The following RELN variants were observed in gnomAD, a reference collection of about 807,000 sequenced individuals.
RELN encodes reelin.
A neutral mutation model predicts 427.6 loss-of-function variants in RELN; 108 were observed. The observed-to-expected ratio is 0.25, with a 90% CI of 0.22 to 0.30. RELN has a LOEUF of 0.30. RELN is among the 10% of genes least tolerant of loss of function. The pLI is 1.00. For synonymous variants in RELN, 1,524 were observed against 1,513.4 expected, an observed-to-expected ratio of 1.01 and a Z score of -0.16; for missense variants, 3,715 against 4,302.8, an observed-to-expected ratio of 0.86 and a Z score of 3.82.
intron 11 of RELN, among the ~76,000 whole-genome samples, chr7:103,681,648 C>T (rs1833654571): frequency 6.6e-6 from 1 of 152,060 alleles, no homozygotes; most frequent in Non-Finnish European, 1.5e-5. Flanking sequence ...CAACCTCAGT[C>T]CCAAATTCCC....
At chr7:103,477,828 C>G (rs1382882005) in intron 64 of RELN, among the ~76,000 whole-genome samples, 1 of 152,090 alleles carries the variant, frequency 6.6e-6, no homozygotes, top group Non-Finnish European at 1.5e-5. Context: ...TTAAAAGTGG[C>G]CAATCTTACC....
intron 1 of RELN, among the ~76,000 whole-genome samples, chr7:103,976,129 C>T (rs1484392200): frequency 1.6e-4 from 25 of 152,112 alleles, no homozygotes; most frequent in Non-Finnish European, 4.4e-5. Context: ...AGAGGCCATG[C>T]TGAATATGTT....
rs1369442315 is a variant in RELN at position 103,472,818 on chromosome 7, G to T, written c.10377C>A (p.Tyr3459Ter). ...YNRRRRSLRRYP is the reference protein window; with the variant it reads ...YNRRRRSLRR ...AAATAAACTTTTTGATTCTTCATGGGTATCGCCTAAGTGACCTTCGTCTTC... is the reference window on the plus strand; with the variant it reads ...AAATAAACTTTTTGATTCTTCATGGTTATCGCCTAAGTGACCTTCGTCTTC... The change falls in exon 65 of 65, where the codon TAC (tyrosine) becomes TAA (stop). Residue 3459 changes from tyrosine (Y) to a stop codon, truncating the protein, a stop_gained. Coordinates refer to ENST00000428762, the MANE Select transcript of RELN (RefSeq NM_005045.4). LOFTEE classifies it high-confidence loss of function. The T allele has an allele frequency of 1.2e-6, 2 of 1,612,488 alleles. No homozygotes were observed. Among genetic ancestry groups the T allele is most frequent in the Admixed American group, 1.7e-5 (1 of 59,996 alleles).
intron 8 of RELN, among the ~76,000 whole-genome samples, chr7:103,710,486 G>A (rs1167109265): frequency 3.3e-5 from 5 of 152,184 alleles, no homozygotes; most frequent in African/African-American, 9.7e-5. Flanking sequence ...AGATAATGAT[G>A]ATACACTATT....
intron 51 of RELN, among the ~76,000 whole-genome samples, chr7:103,506,882 A>G (rs1829232160): frequency 6.6e-6 from 1 of 152,240 alleles, no homozygotes; most frequent in African/African-American, 2.4e-5. Context: ...AGGGGCTGCA[A>G]TCCTAGTCTC....
At chr7:103,768,582 C>T (rs2116166180) in intron 4 of RELN, among the ~76,000 whole-genome samples, 1 of 152,238 alleles carries the variant, frequency 6.6e-6, no homozygotes, top group East Asian at 1.9e-4. Context: ...TCAGTAAGGA[C>T]AGTGATTTTT....
rs752516448 is a variant in RELN at position 103,498,248 on chromosome 7, A to G, written c.8672T>C (p.Phe2891Ser). 7.4e-6 allele frequency: 12 copies of G among 1,613,694 alleles called. No individual in the cohort carries two copies. The highest frequency in any genetic ancestry group is 3.3e-4 in the Middle Eastern group (2 of 6,084). The change falls in exon 54 of 65, where the codon TTC (phenylalanine) becomes TCC (serine). Residue 2891 changes from phenylalanine (F) to serine (S), a missense_variant. Coordinates refer to ENST00000428762, the MANE Select transcript of RELN (RefSeq NM_005045.4). ...NCYLTHTLKT[F>S]LKERFDSEEI... Reference sequence around the variant, plus strand: ...TTCACTGTCAAAGCGTTCCTTCAGGAAAGTCTGGAAATAAAATAAGCCAGA... The same window carrying G: ...TTCACTGTCAAAGCGTTCCTTCAGGGAAGTCTGGAAATAAAATAAGCCAGA...
intron 1 of RELN, among the ~76,000 whole-genome samples, chr7:103,974,840 C>T (rs1184127344): frequency 1.3e-5 from 2 of 152,194 alleles, no homozygotes; most frequent in Non-Finnish European, 2.9e-5. Context: ...AAACTAGCTA[C>T]CCATTCATCA....
intron 1 of RELN, among the ~76,000 whole-genome samples, chr7:103,919,483 A>G (rs1795565852): frequency 6.6e-6 from 1 of 151,892 alleles, no homozygotes; most frequent in Admixed American, 6.6e-5. Flanking sequence ...AAAGGCTTCC[A>G]CTTATCTCTA....
At chr7:103,481,163 C>T (rs543052920) in intron 63 of RELN, among the ~76,000 whole-genome samples, 15 of 152,268 alleles carry the variant, frequency 9.9e-5, no homozygotes, top group Admixed American at 2.0e-4. Flanking sequence ...CTGAACCCCT[C>T]GCCCCTGCTT....
chr7:103,659,762 C>T (rs1833098220), intron 12 of RELN, among the ~76,000 whole-genome samples: 1 of 152,124 alleles, frequency 6.6e-6, no homozygotes, highest in Non-Finnish European at 1.5e-5. Context: ...CAGAGATATA[C>T]TGAGTCTAAA....
chr7:103,604,268 T>C, intron 23 of RELN, 78 bp downstream of exon 23: 1 of 1,542,256 alleles, frequency 6.5e-7, no homozygotes, highest in Non-Finnish European at 8.9e-7. Flanking sequence ...CATGTCACTC[T>C]GATGACAACT....
intron 20 of RELN, among the ~76,000 whole-genome samples, chr7:103,618,446 A>G (rs1464905986): frequency 1.3e-5 from 2 of 152,208 alleles, no homozygotes; most frequent in African/African-American, 4.8e-5. Context: ...GCATTTTGGC[A>G]TGTATTTACC....
chr7:103,542,972 T>C (rs200483556), intron 42 of RELN, 94 bp from the exon 43 acceptor site: 70,603 of 1,280,898 alleles, frequency 0.055, 2,934 homozygotes, highest in East Asian at 0.2. Context: ...CATTATGTAG[T>C]TTCAAAATAT....
At chr7:103,969,435 A>G (rs1281709254) in intron 1 of RELN, among the ~76,000 whole-genome samples, 1 of 152,230 alleles carries the variant, frequency 6.6e-6, no homozygotes, top group Non-Finnish European at 1.5e-5. Flanking sequence ...TACAAAATAT[A>G]TGGCAATCAA....
intron 4 of RELN, among the ~76,000 whole-genome samples, chr7:103,753,655 T>C (rs1584465314): frequency 6.6e-6 from 1 of 152,210 alleles, no homozygotes; most frequent in Admixed American, 6.5e-5. Context: ...TAGGAAAATT[T>C]ATGTTGAAAT....
intron 51 of RELN, among the ~76,000 whole-genome samples, chr7:103,506,738 A>G (rs1443363105): frequency 6.6e-6 from 1 of 152,248 alleles, no homozygotes; most frequent in Non-Finnish European, 1.5e-5. Context: ...AATGGGCTAA[A>G]TGCCCCAATT....
chr7:103,957,434 A>AT (rs1796455702), intron 1 of RELN, among the ~76,000 whole-genome samples: 1 of 152,346 alleles, frequency 6.6e-6, no homozygotes, highest in South Asian at 2.1e-4. Context: ...TAACATGTGC[A>AT]TAACACTTCA....
intron 3 of RELN, among the ~76,000 whole-genome samples, chr7:103,798,536 G>C (rs1198755267): frequency 6.6e-6 from 1 of 152,142 alleles, no homozygotes; most frequent in Non-Finnish European, 1.5e-5. Flanking sequence ...GGTTTGGCCT[G>C]TTACCCAGTA....
Sources: gnomAD v4.1 joint callset for allele counts (sites outside exome capture counted in the v4.1 genomes callset) on GRCh38, gnomAD v4.1.1 for gene constraint, MANE v1.5 for transcripts, NCBI Gene and HGNC (gene_info 2026-07-23, HGNC 2026-07-21) for gene names.